The following ANO1 variants were observed in gnomAD, a reference collection of about 807,000 sequenced individuals.
ANO1 encodes anoctamin-1.
A neutral mutation model predicts 124.0 loss-of-function variants in ANO1; 59 were observed. The ratio of observed to expected loss-of-function variants is 0.48; its 90% CI spans 0.39 to 0.59. ANO1 has a LOEUF of 0.59. Among genes scored for constraint, ANO1 ranks in the 20% least tolerant of loss-of-function variants. The pLI, the probability that ANO1 is intolerant of heterozygous loss-of-function variation, is 0.00. For missense variants in ANO1, 1,059 were observed against 1,328.0 expected (o/e 0.80, Z 3.15); for synonymous variants, 529 against 532.0 (o/e 0.99, Z 0.08).
At chr11:70,186,466 C>A (rs10898832) in intron 25 of ANO1, among the ~76,000 whole-genome samples, 45,563 of 152,002 alleles carry the variant, frequency 0.3, 8,012 homozygotes, top group East Asian at 0.52. Context: ...TGGTAGCAGG[C>A]AGAGTCAGGA....
intron 11 of ANO1, among the ~76,000 whole-genome samples, chr11:70,140,039 C>T (rs2047093641): frequency 6.6e-6 from 1 of 152,046 alleles, no homozygotes; most frequent in Non-Finnish European, 1.5e-5. Flanking sequence ...CGTGCCAGGC[C>T]CCGGGCTAAG....
chr11:70,019,219 C>T (rs1336335855), intron 1 of ANO1, among the ~76,000 whole-genome samples: 7 of 146,100 alleles, frequency 4.8e-5, no homozygotes, highest in Middle Eastern at 3.5e-3. Context: ...CCTTGGGATG[C>T]AGGGGAGGGA....
chr11:70,069,753 T>C (rs1170234251), intron 1 of ANO1, among the ~76,000 whole-genome samples: 1 of 151,756 alleles, frequency 6.6e-6, no homozygotes, highest in East Asian at 1.9e-4. Context: ...GGGCTCTATA[T>C]GACTATGTGT....
At chr11:70,110,517 T>C (rs960242750) in intron 6 of ANO1, among the ~76,000 whole-genome samples, 1 of 152,120 alleles carries the variant, frequency 6.6e-6, no homozygotes, top group South Asian at 2.1e-4. Context: ...AGACAAACTT[T>C]TCACTCACAC....
intron 10 of ANO1, among the ~76,000 whole-genome samples, chr11:70,128,658 G>A (rs577690963): frequency 7.9e-5 from 12 of 152,308 alleles, no homozygotes; most frequent in Admixed American, 7.2e-4. Context: ...TGCAGCTTCC[G>A]CCCCATCCCC....
chr11:70,097,723 A>G (rs376299619), intron 2 of ANO1, among the ~76,000 whole-genome samples: 4 of 152,322 alleles, frequency 2.6e-5, no homozygotes, highest in African/African-American at 7.2e-5. Flanking sequence ...GTAGTCTGAA[A>G]GCCGGGGCTG....
At chr11:70,092,050 C>A (rs1312573032) in intron 2 of ANO1, among the ~76,000 whole-genome samples, 1 of 152,194 alleles carries the variant, frequency 6.6e-6, no homozygotes, top group African/African-American at 2.4e-5. Flanking sequence ...GGCCGCGCTC[C>A]CTCTAAGACT....
chr11:69,997,976 C>A (rs1343731832), intron 1 of ANO1, among the ~76,000 whole-genome samples: 3 of 152,170 alleles, frequency 2.0e-5, no homozygotes, highest in African/African-American at 7.2e-5. Context: ...TTCAATATTT[C>A]TTTATAGCAG....
the ANO1 span, among the ~76,000 whole-genome samples, chr11:69,976,047 CA>C: frequency 6.6e-6 from 1 of 152,158 alleles, no homozygotes; most frequent in South Asian, 2.1e-4. Flanking sequence ...GCCTTGGATG[CA>C]CTGCTGGTTG....
intron 1 of ANO1, among the ~76,000 whole-genome samples, chr11:70,047,183 T>C (rs200751120): frequency 6.6e-6 from 1 of 151,974 alleles, no homozygotes; most frequent in African/African-American, 2.4e-5. Context: ...TATATTGTGA[T>C]TGAGTATAAG....
chr11:70,025,913 G>A (rs1856894486), intron 1 of ANO1, among the ~76,000 whole-genome samples: 1 of 151,360 alleles, frequency 6.6e-6, no homozygotes, highest in Non-Finnish European at 1.5e-5. Flanking sequence ...TGATGGTGGT[G>A]GTGGTGACGA....
At chr11:70,187,058 G>C (rs145084204) in intron 25 of ANO1, among the ~76,000 whole-genome samples, 3 of 152,300 alleles carry the variant, frequency 2.0e-5, no homozygotes, top group African/African-American at 7.2e-5. Flanking sequence ...GGCTGACCAG[G>C]CTGGGAAGAG....
intron 1 of ANO1, among the ~76,000 whole-genome samples, chr11:70,033,282 G>A (rs568051181): frequency 2.6e-5 from 4 of 152,156 alleles, no homozygotes; most frequent in Middle Eastern, 3.2e-3. Context: ...CATAGAAGGC[G>A]CAGGTGGGAC....
At chr11:69,990,418 A>C (rs782255255) in intron 1 of ANO1, among the ~76,000 whole-genome samples, 19 of 152,094 alleles carry the variant, frequency 1.2e-4, no homozygotes, top group Non-Finnish European at 2.8e-4. Flanking sequence ...GGTTATTTCC[A>C]CCTTTTGGCT....
intron 11 of ANO1, among the ~76,000 whole-genome samples, chr11:70,146,850 C>G (rs1267779718): frequency 6.6e-6 from 1 of 152,154 alleles, no homozygotes; most frequent in Non-Finnish European, 1.5e-5. Flanking sequence ...AGATGAAGGC[C>G]GGAAGACTCA....
intron 1 of ANO1, among the ~76,000 whole-genome samples, chr11:70,060,861 G>C (rs1857557031): frequency 6.6e-6 from 1 of 152,158 alleles, no homozygotes; most frequent in Admixed American, 6.5e-5. Flanking sequence ...GATGGGACGA[G>C]TCAGGGAGTG....
At chr11:70,155,868 C>T (rs1310559213) in intron 14 of ANO1, 43 bp from the exon 15 acceptor site, 8 of 1,503,964 alleles carry the variant, frequency 5.3e-6, no homozygotes, top group Non-Finnish European at 6.2e-6. Flanking sequence ...GTGCCGCCTC[C>T]CACTTCACCG....
intron 24 of ANO1, among the ~76,000 whole-genome samples, chr11:70,183,999 G>A (rs77110296): frequency 0.018 from 2,668 of 152,294 alleles, 32 homozygotes; most frequent in Non-Finnish European, 0.026. Flanking sequence ...CGGAGTGGGC[G>A]AGCACCAGGG....
chr11:70,087,990 C>G lies in ANO1; in HGVS notation c.347C>G (p.Pro116Arg). 6.4e-7 allele frequency: 1 copy of G among 1,566,816 alleles called. No homozygotes were observed. ...CTGGATGCAGGCTCGGGGGAGCCCC[C>G]GATGGACTACCACGAGGATGACAAG... The part of the protein sequence containing the change: ...ASLDAGSGEP[P>R]MDYHEDDKRF... Residue 116 changes from proline (P) to arginine (R), a missense_variant, in exon 2 of 26, where the codon CCG becomes CGG. This residue lies in a region of ANO1 where 250 missense variants were observed against 233.1 expected (regional missense o/e 1.07). Coordinates refer to ENST00000355303, the MANE Select transcript of ANO1 (RefSeq NM_018043.7).
Sources: allele counts gnomAD v4.1 joint callset (sites outside exome capture counted in the v4.1 genomes callset), GRCh38; gene constraint gnomAD v4.1.1; regional missense constraint gnomAD v4.1.1; transcripts MANE v1.5; gene names NCBI Gene and HGNC (gene_info 2026-07-23, HGNC 2026-07-21).